Variants in CRACDL observed in about 807,000 individuals in gnomAD.
CRACDL encodes the protein CRACD like.
In CRACDL, 26 loss-of-function variants were observed where a neutral mutation model predicts 70.6. The ratio of observed to expected loss-of-function variants is 0.37; its 90% CI spans 0.27 to 0.51. CRACDL has a LOEUF of 0.51. Ranked by LOEUF, CRACDL falls within the 20% of genes least tolerant of loss-of-function variation. The pLI is 0.94. For missense variants in CRACDL, 1,283 were observed against 1,376.9 expected (o/e 0.93, Z 1.08); for synonymous variants, 618 against 615.2 (o/e 1.00, Z -0.07).
intron 1 of CRACDL, among the ~76,000 whole-genome samples, chr2:98,886,978 G>A (rs893497930): frequency 3.9e-5 from 6 of 152,112 alleles, no homozygotes; most frequent in African/African-American, 9.7e-5. Context: ...ATAAAGGAGA[G>A]TATGAGAATG....
intron 3 of CRACDL, among the ~76,000 whole-genome samples, chr2:98,837,249 A>G (rs1705835646): frequency 6.6e-6 from 1 of 150,924 alleles, no homozygotes; most frequent in Non-Finnish European, 1.5e-5. Flanking sequence ...CTTTCCAGTC[A>G]TCTGGTGCCA....
At chr2:98,827,616 G>A (rs552030163) in intron 5 of CRACDL, among the ~76,000 whole-genome samples, 1 of 152,322 alleles carries the variant, frequency 6.6e-6, no homozygotes, top group South Asian at 2.1e-4. Context: ...TTCTCAACAA[G>A]GAGGGGTCTA....
rs748279818 is a variant in CRACDL at position 98,821,948 on chromosome 2, G to C, written c.2325C>G (p.His775Gln). ...GGCCGGCGTCGGGGGGCGCGGGCTG[G>C]TGCGGGAGCGTGAAGCTCTGCAGAA... is the stretch of plus-strand genomic sequence containing the variant. The part of the protein sequence containing the change: ...KPLLQSFTLP[H>Q]QPAPPDAGPG... The change falls in exon 7 of 10, where the codon CAC (histidine) becomes CAG (glutamine). Residue 775 changes from histidine (H) to glutamine (Q), a missense_variant. Physicochemically the swap from His to Gln is conservative, Grantham distance 24. Around this residue, in one of 2 missense-constraint regions of CRACDL, gnomAD observed 921 missense variants for 881.9 expected, o/e 1.04. Transcript: ENST00000397899. 6.4e-7 allele frequency: 1 copy of C among 1,552,658 alleles called. No individual in the cohort carries two copies. Among genetic ancestry groups the C allele is most frequent in the Non-Finnish European group, 8.7e-7 (1 of 1,151,876 alleles).
chr2:98,842,440 TA>T (rs11366424), intron 2 of CRACDL, among the ~76,000 whole-genome samples: 8,437 of 151,930 alleles, frequency 0.056, 409 homozygotes, highest in South Asian at 0.16. Flanking sequence ...CTATACCTTG[TA>T]AAAAAAACTT....
At chr2:98,901,651 T>C in intron 1 of CRACDL, among the ~76,000 whole-genome samples, 1 of 152,208 alleles carries the variant, frequency 6.6e-6, no homozygotes, top group African/African-American at 2.4e-5. Context: ...CTCAAAGTCC[T>C]GAATCACAAA....
At chr2:98,904,469 C>T (rs1708356292) in intron 1 of CRACDL, among the ~76,000 whole-genome samples, 1 of 152,158 alleles carries the variant, frequency 6.6e-6, no homozygotes, top group African/African-American at 2.4e-5. Context: ...CTTGGGAAAC[C>T]CACGTGATTG....
At chr2:98,851,103 G>C (rs950383043) in intron 1 of CRACDL, among the ~76,000 whole-genome samples, 1 of 152,174 alleles carries the variant, frequency 6.6e-6, no homozygotes. Flanking sequence ...TCTCCAGGCT[G>C]TTTGGACCCC....
rs769604002 is a variant in CRACDL, at chr2:98,822,113, G to C, written c.2160C>G (p.Thr720=). Residue 720 remains threonine (T), a synonymous_variant, in exon 7 of 10, where the codon ACC becomes ACG. Coordinates refer to ENST00000397899, the MANE Select transcript of CRACDL (RefSeq NM_207362.3). The surrounding 1 kb of genome is among the most constrained non-coding windows in gnomAD (Gnocchi z 4.9). ...GACACTTCTCCTCCTTCGGGAGCAC[G>C]GTCAGCGACCTTTCTAACCGGACCT... The part of the protein sequence containing the change: ...SAEVRLERSL[T]VLPKEEKCPL... The C allele has an allele frequency of 3.8e-6, 6 of 1,580,552 alleles. No homozygotes were observed. In the African/African-American group the frequency reaches 6.7e-5, roughly 18 times the overall value.
rs569979740 is a variant in CRACDL, at chr2:98,922,096, TC to T, written c.-11+13841del. On this transcript the variant is annotated intron_variant, in intron 1 of 9. Transcript: ENST00000397899. Reference sequence around the variant, plus strand: ...CTTTTTTGATTTCTTTCTTTTCTTTTCTTTTTGAAGAAGGCATCACAGCTCA... The same window carrying T: ...CTTTTTTGATTTCTTTCTTTTCTTTTTTTTTGAAGAAGGCATCACAGCTCA... 2.4e-3 allele frequency among the ~76,000 whole-genome samples: 370 copies of T among 152,344 alleles called. 5 individuals are homozygous for T. Among genetic ancestry groups the T allele is most frequent in the Non-Finnish European group, 1.2e-3 (81 of 68,036 alleles).
chr2:98,928,584 G>A (rs1708992507), intron 1 of CRACDL, among the ~76,000 whole-genome samples: 1 of 152,162 alleles, frequency 6.6e-6, no homozygotes, highest in South Asian at 2.1e-4. Flanking sequence ...CGAGGGTCCA[G>A]CTACTCGAGA....
chr2:98,889,786 T>C (rs1227302540), intron 1 of CRACDL, among the ~76,000 whole-genome samples: 1 of 152,192 alleles, frequency 6.6e-6, no homozygotes, highest in Admixed American at 6.5e-5. Context: ...CAACAAATTT[T>C]TGAAAATTTA....
chr2:98,838,002 G>C, intron 3 of CRACDL, 117 bp downstream of exon 3: 2 of 805,254 alleles, frequency 2.5e-6, no homozygotes, highest in Non-Finnish European at 3.7e-6. Flanking sequence ...TTCTATGGAA[G>C]AACCTCTAAT....
intron 1 of CRACDL, among the ~76,000 whole-genome samples, chr2:98,891,850 G>A (rs910071442): frequency 6.6e-6 from 1 of 152,196 alleles, no homozygotes; most frequent in Non-Finnish European, 1.5e-5. Flanking sequence ...GGGTGTCTGC[G>A]TGACTGTATC....
At chr2:98,915,245 G>C (rs1708637973) in intron 1 of CRACDL, among the ~76,000 whole-genome samples, 2 of 152,314 alleles carry the variant, frequency 1.3e-5, no homozygotes, top group African/African-American at 4.8e-5. Context: ...CTGGAGAGGT[G>C]CTGGCCACCT....
intron 7 of CRACDL, 97 bp downstream of exon 7, chr2:98,821,760 T>G: frequency 7.0e-7 from 1 of 1,434,812 alleles, no homozygotes; most frequent in Non-Finnish European, 9.3e-7. Context: ...GCAACAAAGT[T>G]TGTACCAGGA....
At chr2:98,858,808 C>T (rs1393800562) in intron 1 of CRACDL, among the ~76,000 whole-genome samples, 1 of 152,058 alleles carries the variant, frequency 6.6e-6, no homozygotes, top group Non-Finnish European at 1.5e-5. Flanking sequence ...GAAGGCATCA[C>T]TACCAACCTT....
chr2:98,842,017 C>T, intron 2 of CRACDL, among the ~76,000 whole-genome samples: 1 of 151,818 alleles, frequency 6.6e-6, no homozygotes, highest in Admixed American at 6.6e-5. Context: ...GCAGTTTTAC[C>T]TCATATGGAT....
At chr2:98,899,824 GC>G (rs1708220639) in intron 1 of CRACDL, among the ~76,000 whole-genome samples, 2 of 149,492 alleles carry the variant, frequency 1.3e-5, no homozygotes, top group South Asian at 4.3e-4. Context: ...GGGAGGGGAG[GC>G]AGATGGACAG....
intron 1 of CRACDL, among the ~76,000 whole-genome samples, chr2:98,892,248 G>T (rs901481763): frequency 6.6e-6 from 1 of 152,058 alleles, no homozygotes; most frequent in Non-Finnish European, 1.5e-5. Flanking sequence ...TATATTCCCA[G>T]CAGTCAGGTT....
Sources: allele counts gnomAD v4.1 joint callset (sites outside exome capture counted in the v4.1 genomes callset), GRCh38; gene constraint gnomAD v4.1.1; regional missense constraint gnomAD v4.1.1; non-coding constraint Gnocchi (gnomAD v3.1); transcripts MANE v1.5; gene names NCBI Gene and HGNC (gene_info 2026-07-23, HGNC 2026-07-21).